ATP8B1: variants seen among roughly 807,000 people sequenced by gnomAD.
The protein encoded by ATP8B1 is ATPase phospholipid transporting 8B1, also known as phospholipid-transporting ATPase IC.
Under a neutral mutation model 149.9 loss-of-function variants are expected in ATP8B1, and 80 were observed. The observed-to-expected ratio is 0.53, with a 90% CI of 0.45 to 0.64. ATP8B1 has a LOEUF of 0.64. Ranked by LOEUF, ATP8B1 falls within the 30% of genes least tolerant of loss-of-function variation. The pLI, the probability that ATP8B1 is intolerant of heterozygous loss-of-function variation, is 0.00. For missense variants in ATP8B1, 1,247 were observed against 1,552.6 expected, an observed-to-expected ratio of 0.80 and a Z score of 3.31; for synonymous variants, 536 against 562.8, an observed-to-expected ratio of 0.95 and a Z score of 0.67.
intron 16 of ATP8B1, 61 bp downstream of exon 16, chr18:57,674,768 TCAATA>T (rs1911489939): frequency 6.4e-7 from 1 of 1,559,558 alleles, no homozygotes; most frequent in African/African-American, 1.4e-5. Context: ...CTGATGCCAC[TCAATA>T]CAATGGGCAC....
chr18:57,802,240 C>A lies in ATP8B1; in HGVS notation c.-26+758G>T, dbSNP rs763903868. Among the ~76,000 whole-genome samples, 15 of 152,188 alleles carry A rather than the reference C, an allele frequency of 9.9e-5. No homozygotes were observed. The highest frequency in any genetic ancestry group is 1.9e-4 in the Non-Finnish European group (13 of 68,032). On this transcript the variant is annotated intron_variant, in intron 1 of 27. Transcript: ENST00000648908. This position sits in a 1 kb window ranked among gnomAD's most constrained non-coding sequence, Gnocchi z 4.9. The stretch of plus-strand genomic sequence containing the variant: ...TGCAACATCTCCCCGCGCCCCCCAA[C>A]AAGTTGCCCCTCCTCGTGCACACAG...
intron 22 of ATP8B1, among the ~76,000 whole-genome samples, chr18:57,660,213 T>G (rs1910301272): frequency 6.6e-6 from 1 of 152,190 alleles, no homozygotes. Flanking sequence ...ACAACTGTAT[T>G]TCTGCATGGC....
intron 1 of ATP8B1, among the ~76,000 whole-genome samples, chr18:57,757,165 T>C (rs933552933): frequency 1.2e-4 from 19 of 152,238 alleles, no homozygotes; most frequent in African/African-American, 3.9e-4. Flanking sequence ...TTTTCTCCAA[T>C]GGCATATAAT....
chr18:57,700,447 C>A (rs997892553), intron 6 of ATP8B1, among the ~76,000 whole-genome samples: 1 of 152,014 alleles, frequency 6.6e-6, no homozygotes, highest in African/African-American at 2.4e-5. Context: ...CTGGGTATAT[C>A]ATTTGTATAT....
At chr18:57,755,137 C>G (rs901702561) in intron 1 of ATP8B1, among the ~76,000 whole-genome samples, 2 of 151,984 alleles carry the variant, frequency 1.3e-5, no homozygotes, top group Non-Finnish European at 2.9e-5. Context: ...CACCAGCCAG[C>G]CTAAAATAGT....
intron 14 of ATP8B1, among the ~76,000 whole-genome samples, chr18:57,684,753 T>C (rs1199113017): frequency 1.3e-5 from 2 of 152,170 alleles, no homozygotes; most frequent in African/African-American, 4.8e-5. Context: ...AACAGGGTCT[T>C]TACAGATGTA....
chr18:57,664,167 A>C, intron 20 of ATP8B1, among the ~76,000 whole-genome samples: 1 of 151,192 alleles, frequency 6.6e-6, no homozygotes, highest in African/African-American at 2.4e-5. Context: ...TTTCAAAGAC[A>C]GTCAAAGGAA....
chr18:57,664,166 C>T (rs987888639), intron 20 of ATP8B1, among the ~76,000 whole-genome samples: 11 of 149,880 alleles, frequency 7.3e-5, no homozygotes, highest in African/African-American at 2.5e-4. Flanking sequence ...TTTTCAAAGA[C>T]AGTCAAAGGA....
At chr18:57,682,297 C>T (rs1324507808) in intron 15 of ATP8B1, among the ~76,000 whole-genome samples, 2 of 152,206 alleles carry the variant, frequency 1.3e-5, no homozygotes, top group Non-Finnish European at 2.9e-5. Context: ...AGCCACCGCG[C>T]CCAGCCCTGC....
At chr18:57,703,398 T>C (rs1457367726) in intron 4 of ATP8B1, among the ~76,000 whole-genome samples, 1 of 151,900 alleles carries the variant, frequency 6.6e-6, no homozygotes, top group Non-Finnish European at 1.5e-5. Flanking sequence ...GGTGAAACCC[T>C]GTCTCTACTA....
At chr18:57,786,324 G>A (rs959112638) in intron 1 of ATP8B1, among the ~76,000 whole-genome samples, 5 of 152,168 alleles carry the variant, frequency 3.3e-5, no homozygotes, top group African/African-American at 9.7e-5. Context: ...CTTTGCTGCC[G>A]TGGCTGGACA....
intron 16 of ATP8B1, among the ~76,000 whole-genome samples, chr18:57,673,004 A>AAATATAAATATATAAATATATGTATAT (rs1911361579): frequency 3.5e-5 from 4 of 112,886 alleles, no homozygotes; most frequent in South Asian, 2.7e-4. Context: ...TGTATATATA[A>AAATATAAATATATAAATATATGTATAT]ATATACATAT....
At chr18:57,687,773 ATTTTT>A (rs11342488) in intron 13 of ATP8B1, among the ~76,000 whole-genome samples, 3 of 95,244 alleles carry the variant, frequency 3.1e-5, no homozygotes, top group Admixed American at 1.5e-4. Flanking sequence ...GAGACTTCTA[ATTTTT>A]TTTTTTTTTT....
chr18:57,776,338 G>C (rs900184946), intron 1 of ATP8B1, among the ~76,000 whole-genome samples: 1 of 152,196 alleles, frequency 6.6e-6, no homozygotes, highest in South Asian at 2.1e-4. Flanking sequence ...GTACCACCTC[G>C]CATTCATGTG....
intron 21 of ATP8B1, 89 bp from the exon 22 acceptor site, chr18:57,661,551 T>G (rs1229298172): frequency 7.7e-6 from 11 of 1,420,462 alleles, no homozygotes; most frequent in Admixed American, 4.0e-5. Context: ...TGAAGGATAA[T>G]TTTTGGATTA....
At chr18:57,763,637 A>G (rs773764785) in intron 1 of ATP8B1, among the ~76,000 whole-genome samples, 3 of 151,508 alleles carry the variant, frequency 2.0e-5, no homozygotes, top group Non-Finnish European at 4.4e-5. Context: ...TAATTGACCA[A>G]GTAAGTAAAT....
At chr18:57,660,818 A>AT (rs1277780854) in intron 22 of ATP8B1, among the ~76,000 whole-genome samples, 13 of 152,322 alleles carry the variant, frequency 8.5e-5, no homozygotes, top group Middle Eastern at 6.8e-3. Context: ...TGCCCAGCCA[A>AT]TATCAGGGCT....
chr18:57,674,241 CAAAAAAA>C (rs745500180), intron 16 of ATP8B1, among the ~76,000 whole-genome samples: 1 of 82,598 alleles, frequency 1.2e-5, no homozygotes, highest in African/African-American at 4.4e-5. Flanking sequence ...GACTCCATCT[CAAAAAAA>C]AAAAAAAAAA....
At chr18:57,716,301 C>G (rs1039690011) in intron 2 of ATP8B1, among the ~76,000 whole-genome samples, 28 of 151,828 alleles carry the variant, frequency 1.8e-4, no homozygotes, top group Admixed American at 3.3e-4. Context: ...GAGAAGACCA[C>G]AAAGCCACCG....
Sources: allele counts gnomAD v4.1 joint callset (sites outside exome capture counted in the v4.1 genomes callset), GRCh38; gene constraint gnomAD v4.1.1; non-coding constraint Gnocchi (gnomAD v3.1); transcripts MANE v1.5; gene names NCBI Gene and HGNC (gene_info 2026-07-23, HGNC 2026-07-21).